The following CPA6 variants were observed in gnomAD, a reference collection of about 807,000 sequenced individuals.
The protein encoded by CPA6 is carboxypeptidase A6.
In CPA6, 58 loss-of-function variants were observed where a neutral mutation model predicts 63.3. The observed-to-expected ratio is 0.92, with a 90% confidence interval of 0.74 to 1.14. The LOEUF (loss-of-function observed/expected upper bound fraction) is 1.14, where lower values mean the gene tolerates loss of function less well. Ranked by LOEUF, CPA6 falls within the 50% of genes most tolerant of loss-of-function variation. CPA6 has a pLI of 0.00. For synonymous variants in CPA6, 185 were observed against 179.0 expected (o/e 1.03, Z -0.27); for missense variants, 565 against 526.6 (o/e 1.07, Z -0.71).
intron 2 of CPA6, among the ~76,000 whole-genome samples, chr8:67,613,289 G>C (rs747090646): frequency 6.6e-6 from 1 of 152,144 alleles, no homozygotes; most frequent in Non-Finnish European, 1.5e-5. Context: ...ATCCAAGTTA[G>C]TGTTGTTTGT....
rs571857002 is a variant in CPA6 at position 67,703,661 on chromosome 8, A to T, written c.116+42353T>A. ...CATTTGTCTGGCAGCGAAGACATGGACTCCTTGGAGATATCCCCTGAGATT... is the reference window on the plus strand; with the variant it reads ...CATTTGTCTGGCAGCGAAGACATGGTCTCCTTGGAGATATCCCCTGAGATT... On this transcript the variant is annotated intron_variant, in intron 1 of 10. Coordinates refer to ENST00000297770, the MANE Select transcript of CPA6 (RefSeq NM_020361.5). Among the ~76,000 whole-genome samples the T allele has an allele frequency of 7.3e-4, 111 of 152,172 alleles. 2 individuals are homozygous for T. The South Asian group carries it at 0.022, about 30-fold the overall frequency.
intron 6 of CPA6, among the ~76,000 whole-genome samples, chr8:67,494,972 C>A (rs1016251304): frequency 8.5e-5 from 13 of 152,162 alleles, no homozygotes; most frequent in African/African-American, 3.1e-4. Context: ...AGCATTCATT[C>A]TTTTGGTCCA....
chr8:67,460,054 C>A (rs72654986), intron 8 of CPA6, among the ~76,000 whole-genome samples: 3 of 152,312 alleles, frequency 2.0e-5, no homozygotes, highest in Non-Finnish European at 4.4e-5. Context: ...CCCACTCTCA[C>A]CCAGTCAGAA....
At chr8:67,451,097 G>A (rs1810547807) in intron 8 of CPA6, among the ~76,000 whole-genome samples, 1 of 152,170 alleles carries the variant, frequency 6.6e-6, no homozygotes, top group South Asian at 2.1e-4. Flanking sequence ...AAATGAATAA[G>A]TGGAGCTGAC....
chr8:67,610,950 T>C (rs764008130), intron 2 of CPA6, among the ~76,000 whole-genome samples: 2 of 151,956 alleles, frequency 1.3e-5, no homozygotes, highest in South Asian at 2.1e-4. Flanking sequence ...TTAAATAACA[T>C]GTATTTGCCA....
At chr8:67,503,819 G>T (rs1477649490) in intron 6 of CPA6, among the ~76,000 whole-genome samples, 1 of 152,020 alleles carries the variant, frequency 6.6e-6, no homozygotes, top group Admixed American at 6.6e-5. Context: ...ATGTGCCACG[G>T]TGGTTTGCTG....
At chr8:67,494,281 T>TAGTC (rs1357953347) in intron 6 of CPA6, among the ~76,000 whole-genome samples, 1 of 152,174 alleles carries the variant, frequency 6.6e-6, no homozygotes, top group Non-Finnish European at 1.5e-5. Flanking sequence ...TATTTTTATG[T>TAGTC]AGTCAGGGCT....
At chr8:67,721,005 T>C (rs61235888) in intron 1 of CPA6, among the ~76,000 whole-genome samples, 3,169 of 152,300 alleles carry the variant, frequency 0.021, 101 homozygotes, top group African/African-American at 0.068. Context: ...AAACTCCCTA[T>C]TAGGGATTGA....
intron 6 of CPA6, among the ~76,000 whole-genome samples, chr8:67,497,993 T>C (rs532367713): frequency 3.9e-4 from 60 of 152,330 alleles, no homozygotes; most frequent in Middle Eastern, 6.8e-3. Context: ...AGTCCATTAC[T>C]TTTAAGTTTT....
intron 2 of CPA6, among the ~76,000 whole-genome samples, chr8:67,519,533 C>T (rs1404999757): frequency 1.3e-5 from 2 of 152,248 alleles, no homozygotes; most frequent in Non-Finnish European, 2.9e-5. Context: ...AAATAAACTT[C>T]TAATGATACA....
At chr8:67,425,048 G>A (rs145780569) in intron 10 of CPA6, among the ~76,000 whole-genome samples, 9 of 152,276 alleles carry the variant, frequency 5.9e-5, no homozygotes, top group African/African-American at 2.2e-4. Context: ...TACAGTACCT[G>A]CATAACATAG....
intron 2 of CPA6, among the ~76,000 whole-genome samples, chr8:67,564,895 T>C (rs560059373): frequency 1.1e-4 from 16 of 152,316 alleles, no homozygotes; most frequent in African/African-American, 3.4e-4. Flanking sequence ...ACTATCGTTA[T>C]GACAAATAAT....
chr8:67,667,299 T>G lies in CPA6; in HGVS notation c.117-43048A>C, dbSNP rs950098194. 1.6e-4 allele frequency among the ~76,000 whole-genome samples: 24 copies of G among 152,276 alleles called. No individual in the cohort carries two copies. The South Asian group carries it at 5.0e-3, about 32-fold the overall frequency. ...ACAGGCCGCTTGCTGACTGGGTCTT[T>G]GCCTCTTAGATCTGAAAAGGACCTC... On this transcript the variant is annotated intron_variant, in intron 1 of 10. Coordinates refer to ENST00000297770, the MANE Select transcript of CPA6 (RefSeq NM_020361.5).
chr8:67,682,272 G>A (rs1012987901), intron 1 of CPA6, among the ~76,000 whole-genome samples: 1 of 151,778 alleles, frequency 6.6e-6, no homozygotes, highest in East Asian at 1.9e-4. Context: ...TATTGCCATG[G>A]CTTCTTCAAG....
At chr8:67,591,526 T>A (rs768078747) in intron 2 of CPA6, among the ~76,000 whole-genome samples, 83 of 152,228 alleles carry the variant, frequency 5.5e-4, no homozygotes, top group Non-Finnish European at 8.4e-4. Context: ...GAGCATGGAA[T>A]GTTCTTCCCT....
At chr8:67,696,719 A>G (rs759744396) in intron 1 of CPA6, among the ~76,000 whole-genome samples, 1 of 151,672 alleles carries the variant, frequency 6.6e-6, no homozygotes, top group South Asian at 2.1e-4. Flanking sequence ...ATGAACTACA[A>G]ACCATCAAAC....
At chr8:67,455,863 C>T (rs920775774) in intron 8 of CPA6, among the ~76,000 whole-genome samples, 13 of 151,852 alleles carry the variant, frequency 8.6e-5, no homozygotes, top group African/African-American at 3.1e-4. Flanking sequence ...TATAGGCATG[C>T]ACTAGAATGC....
At chr8:67,626,658 G>GT (rs1051346153) in intron 1 of CPA6, among the ~76,000 whole-genome samples, 2 of 152,104 alleles carry the variant, frequency 1.3e-5, no homozygotes, top group African/African-American at 2.4e-5. Flanking sequence ...TCTGACCTGT[G>GT]TTTTTTCTGG....
Position 67,506,798 on chromosome 8 carries a change from A to G in CPA6, c.625T>C (p.Phe209Leu). The G allele has an allele frequency of 6.2e-7, 1 of 1,609,672 alleles. No homozygotes were observed. Among genetic ancestry groups the G allele is most frequent in the Non-Finnish European group, 8.5e-7 (1 of 1,176,048 alleles). ...AGGGTTTAACTTACTTCTTTTACAAACCACTGACAAAAGGCAGGACCAATC... is the reference window on the plus strand; with the variant it reads ...AGGGTTTAACTTACTTCTTTTACAAGCCACTGACAAAAGGCAGGACCAATC... ...EWIGPAFCQW[F>L]VKEALLTYKS... Residue 209 changes from phenylalanine (F) to leucine (L), a missense_variant, in exon 6 of 11, where the codon TTT (phenylalanine) becomes CTT (leucine). Physicochemically the swap from Phe to Leu is conservative, Grantham distance 22. Coordinates refer to ENST00000297770, the MANE Select transcript of CPA6 (RefSeq NM_020361.5).
Sources: allele counts gnomAD v4.1 joint callset (sites outside exome capture counted in the v4.1 genomes callset), GRCh38; gene constraint gnomAD v4.1.1; transcripts MANE v1.5; gene names NCBI Gene and HGNC (gene_info 2026-07-23, HGNC 2026-07-21).